Variants in SORCS2 observed in about 807,000 individuals in gnomAD.
SORCS2 encodes VPS10 domain-containing receptor SorCS2.
SORCS2 carries 100 observed loss-of-function variants against 141.6 expected under a neutral mutation model. The observed-to-expected ratio is 0.71, with a 90% confidence interval of 0.60 to 0.83. The LOEUF (loss-of-function observed/expected upper bound fraction) is 0.83, where lower values mean the gene tolerates loss of function less well. Ranked by LOEUF, SORCS2 falls within the 40% of genes least tolerant of loss-of-function variation. The pLI, the probability that SORCS2 is intolerant of heterozygous loss-of-function variation, is 0.00. For synonymous variants in SORCS2, 789 were observed against 676.9 expected, an observed-to-expected ratio of 1.17 and a Z score of -2.57; for missense variants, 1,646 against 1,560.2, an observed-to-expected ratio of 1.05 and a Z score of -0.93.
At chr4:7,373,930 T>G (rs1299183951) in intron 1 of SORCS2, among the ~76,000 whole-genome samples, 2 of 152,158 alleles carry the variant, frequency 1.3e-5, no homozygotes, top group African/African-American at 4.8e-5. Context: ...ATCTATAGAT[T>G]AATATTTTTT....
At chr4:7,251,636 G>A (rs1713514362) in intron 1 of SORCS2, among the ~76,000 whole-genome samples, 3 of 152,132 alleles carry the variant, frequency 2.0e-5, no homozygotes, top group Non-Finnish European at 2.9e-5. Context: ...TGTCCCTTTG[G>A]GTAAATGGGT....
intron 1 of SORCS2, among the ~76,000 whole-genome samples, chr4:7,226,644 TC>T (rs1295982110): frequency 6.6e-6 from 1 of 152,070 alleles, no homozygotes; most frequent in Non-Finnish European, 1.5e-5. Flanking sequence ...CCGCCATCTG[TC>T]CCCAGCTTTC....
intron 3 of SORCS2, among the ~76,000 whole-genome samples, chr4:7,615,169 T>TCATC (rs1718680146): frequency 6.6e-6 from 1 of 152,200 alleles, no homozygotes; most frequent in East Asian, 1.9e-4. Flanking sequence ...ATTCATTCAT[T>TCATC]CATCCATCTG....
intron 1 of SORCS2, among the ~76,000 whole-genome samples, chr4:7,289,116 G>T (rs146839031): frequency 2.6e-5 from 4 of 152,276 alleles, no homozygotes; most frequent in Non-Finnish European, 5.9e-5. Context: ...CCAGGTGTAG[G>T]TGACATATGG....
At chr4:7,686,220 T>G (rs1723862127) in intron 10 of SORCS2, among the ~76,000 whole-genome samples, 2 of 152,198 alleles carry the variant, frequency 1.3e-5, no homozygotes, top group African/African-American at 4.8e-5. Flanking sequence ...TTAGGATGAT[T>G]CAGCTTCATT....
At chr4:7,627,640 G>C (rs1378738749) in intron 3 of SORCS2, among the ~76,000 whole-genome samples, 1 of 152,234 alleles carries the variant, frequency 6.6e-6, no homozygotes, top group Non-Finnish European at 1.5e-5. Context: ...TGGCTGAGGA[G>C]CCATGAAAAA....
At chr4:7,578,143 A>C (rs1348707354) in intron 3 of SORCS2, among the ~76,000 whole-genome samples, 1 of 152,172 alleles carries the variant, frequency 6.6e-6, no homozygotes, top group Non-Finnish European at 1.5e-5. Flanking sequence ...TCAGAACCAG[A>C]TTGGTTACCA....
At chr4:7,381,957 G>A in intron 1 of SORCS2, 2 of 985,918 alleles carry the variant, frequency 2.0e-6, no homozygotes, top group Non-Finnish European at 2.4e-6. Context: ...AGCCTCTCTG[G>A]GCCAGGCCTG....
rs1560468541 is a variant in SORCS2, at chr4:7,667,212, AG to A, written c.1161+1del. On this transcript the variant is annotated frameshift_variant and splice_region_variant, in exon 8 of 27. Coordinates refer to ENST00000507866, the MANE Select transcript of SORCS2 (RefSeq NM_020777.3). LOFTEE classifies it high-confidence loss of function. The stretch of plus-strand genomic sequence containing the variant: ...AAGCTGCCGAAGTATGCATTGCCAA[AG>A]GTAAGGTGCTCCCCATTCCGCCTGG... ...LMKLPKYALPKDLQIISTDES... is the reference protein window; with the variant it reads ...LMKLPKYALPXDLQIISTDES... 6.2e-7 allele frequency: 1 copy of A among 1,613,582 alleles called. No homozygotes were observed. Among genetic ancestry groups the A allele is most frequent in the African/African-American group, 1.3e-5 (1 of 74,940 alleles).
intron 1 of SORCS2, among the ~76,000 whole-genome samples, chr4:7,390,609 G>A (rs530624601): frequency 1.9e-4 from 29 of 152,324 alleles, no homozygotes; most frequent in African/African-American, 7.0e-4. Flanking sequence ...TTGCCGTGCT[G>A]CTGAATCAGG....
At chr4:7,321,442 G>A (rs1433201624) in intron 1 of SORCS2, among the ~76,000 whole-genome samples, 3 of 152,174 alleles carry the variant, frequency 2.0e-5, no homozygotes, top group Admixed American at 1.3e-4. Flanking sequence ...TATAAAACCA[G>A]TGTCCACAAA....
intron 1 of SORCS2, among the ~76,000 whole-genome samples, chr4:7,293,597 G>A (rs1043481951): frequency 6.6e-6 from 1 of 152,206 alleles, no homozygotes; most frequent in Admixed American, 6.5e-5. Context: ...GTTGAAGGTA[G>A]TGAATGGTTT....
At chr4:7,639,064 G>T (rs758691770) in intron 4 of SORCS2, among the ~76,000 whole-genome samples, 2 of 152,156 alleles carry the variant, frequency 1.3e-5, no homozygotes, top group African/African-American at 2.4e-5. Flanking sequence ...GCATCTGCAG[G>T]GAGGGGCCCA....
intron 3 of SORCS2, among the ~76,000 whole-genome samples, chr4:7,597,176 G>A (rs1717325304): frequency 1.3e-5 from 2 of 151,610 alleles, no homozygotes; most frequent in South Asian, 4.2e-4. Flanking sequence ...TGGTAGTAGG[G>A]GAGGGGCTAT....
At chr4:7,388,557 C>T (rs1723637402) in intron 1 of SORCS2, among the ~76,000 whole-genome samples, 3 of 152,178 alleles carry the variant, frequency 2.0e-5, no homozygotes, top group Non-Finnish European at 4.4e-5. Flanking sequence ...CTCCCCGCTT[C>T]CCCACCCACA....
chr4:7,455,302 ACTGTGTTGGGGTCAGGCT>A (rs1728818618), intron 2 of SORCS2, among the ~76,000 whole-genome samples: 3 of 18,734 alleles, frequency 1.6e-4, no homozygotes, highest in African/African-American at 2.7e-4. Context: ...GGGGTCAGGC[ACTGTGTTGGGGTCAGGCT>A]CTGTGTTGGG....
chr4:7,211,374 C>A (rs1390200717), intron 1 of SORCS2, among the ~76,000 whole-genome samples: 1 of 152,076 alleles, frequency 6.6e-6, no homozygotes, highest in Non-Finnish European at 1.5e-5. Flanking sequence ...TTTCAGGATA[C>A]CATTGATTGA....
At chr4:7,449,931 C>T (rs900316365) in intron 2 of SORCS2, among the ~76,000 whole-genome samples, 8 of 152,194 alleles carry the variant, frequency 5.3e-5, no homozygotes, top group African/African-American at 1.7e-4. Context: ...GGAAAATTCT[C>T]GATCCTTGAA....
chr4:7,311,585 C>T (rs549327218), intron 1 of SORCS2, among the ~76,000 whole-genome samples: 2 of 151,784 alleles, frequency 1.3e-5, no homozygotes, highest in East Asian at 2.0e-4. Flanking sequence ...TAGTTTTAGT[C>T]CCCCAGTAGG....
Sources: allele counts gnomAD v4.1 joint callset (sites outside exome capture counted in the v4.1 genomes callset), GRCh38; gene constraint gnomAD v4.1.1; transcripts MANE v1.5; gene names NCBI Gene and HGNC (gene_info 2026-07-23, HGNC 2026-07-21).